LIMD1: variants seen among roughly 807,000 people sequenced by gnomAD.
The protein encoded by LIMD1 is LIM domain containing 1, also known as LIM domain-containing protein 1.
A neutral mutation model predicts 58.4 loss-of-function variants in LIMD1; 23 were observed. The observed-to-expected ratio is 0.39, with a 90% CI of 0.28 to 0.56. The LOEUF (loss-of-function observed/expected upper bound fraction) is 0.56. Among genes scored for constraint, LIMD1 ranks in the 20% least tolerant of loss-of-function variants. The probability of loss-of-function intolerance (pLI) is 0.57; values close to 1 mark genes in which losing one functional copy is unlikely to be tolerated. For synonymous variants in LIMD1, 334 were observed against 345.5 expected (o/e 0.97, Z 0.37); for missense variants, 838 against 855.5 (o/e 0.98, Z 0.25).
At chr3:45,635,962 T>A (rs1701783341) in intron 1 of LIMD1, 188 bp from the exon 2 acceptor site, 1 of 985,262 alleles carries the variant, frequency 1.0e-6, no homozygotes, top group Non-Finnish European at 1.2e-6. Context: ...GCCTGGTAGC[T>A]GTTTTCTGCA....
intron 1 of LIMD1, among the ~76,000 whole-genome samples, chr3:45,627,326 G>T (rs1436300033): frequency 6.6e-6 from 1 of 152,198 alleles, no homozygotes; most frequent in African/African-American, 2.4e-5. Flanking sequence ...AAGTGCAGTA[G>T]GATGGACTGG....
intron 2 of LIMD1, among the ~76,000 whole-genome samples, chr3:45,653,879 C>T (rs1189005981): frequency 1.6e-5 from 2 of 122,918 alleles, no homozygotes; most frequent in Non-Finnish European, 3.2e-5. Context: ...CACTGCACTC[C>T]AGCCTGAGTG....
At chr3:45,669,067 C>G (rs1017527213) in intron 4 of LIMD1, among the ~76,000 whole-genome samples, 6 of 152,194 alleles carry the variant, frequency 3.9e-5, no homozygotes, top group Non-Finnish European at 7.3e-5. Flanking sequence ...CCAGCTCACA[C>G]CATTACGAAG....
intron 1 of LIMD1, among the ~76,000 whole-genome samples, chr3:45,622,496 A>G (rs943922326): frequency 6.6e-6 from 1 of 152,154 alleles, no homozygotes; most frequent in African/African-American, 2.4e-5. Context: ...AAATAGAACA[A>G]TTATAGCACA....
chr3:45,634,258 A>T (rs1396918413), intron 1 of LIMD1, among the ~76,000 whole-genome samples: 1 of 152,200 alleles, frequency 6.6e-6, no homozygotes, highest in East Asian at 1.9e-4. Flanking sequence ...TCCTCCGTGA[A>T]TCTTTTTTCA....
rs147641879 is a variant in LIMD1 at position 45,596,263 on chromosome 3, G to T, written c.1384G>T (p.Ala462Ser). The change falls in exon 1 of 8, where the codon GCT becomes TCT. Residue 462 changes from alanine to serine, a missense_variant. Physicochemically the swap from Ala to Ser is moderately conservative, Grantham distance 99. This residue lies in a region of LIMD1 where 659 missense variants were observed against 639.8 expected (regional missense o/e 1.03). Coordinates refer to ENST00000273317, the MANE Select transcript of LIMD1 (RefSeq NM_014240.3). ...CCAACGTCTGGAGCGAGAGATGGATGCTCACCCGAAGGCTGATTACTTTGG... is the reference window on the plus strand; with the variant it reads ...CCAACGTCTGGAGCGAGAGATGGATTCTCACCCGAAGGCTGATTACTTTGG... ...LTQRLEREMDAHPKADYFGAC... is the reference protein window; with the variant it reads ...LTQRLEREMDSHPKADYFGAC... 124 of 1,607,852 alleles carry T rather than the reference G, an allele frequency of 7.7e-5. No homozygotes were observed. Among genetic ancestry groups the T allele is most frequent in the East Asian group, 4.0e-4 (18 of 44,764 alleles).
rs1697687889 is a variant in LIMD1 at position 45,677,593 on chromosome 3, A to C, written c.*534A>C. ...GCAGAATGGCTGCAAATTTAATTGC[A>C]TTAAGGCAAGAAGGAAGCTCTAATG... On this transcript the variant is annotated 3_prime_UTR_variant, in exon 8 of 8. Coordinates refer to ENST00000273317, the MANE Select transcript of LIMD1 (RefSeq NM_014240.3). The C allele has an allele frequency of 6.5e-6, 1 of 152,918 alleles. No individual in the cohort carries two copies. Among genetic ancestry groups the C allele is most frequent in the Non-Finnish European group, 1.5e-5 (1 of 68,542 alleles). The allele number at this position is 152,918 out of a possible 1,614,324, so 9.5% of individuals were successfully genotyped here. A position where few individuals can be genotyped will look rare whatever the true frequency, so the allele number is the denominator to read the frequency against.
At chr3:45,639,663 AT>A (rs200007141) in intron 2 of LIMD1, among the ~76,000 whole-genome samples, 7 of 151,560 alleles carry the variant, frequency 4.6e-5, no homozygotes, top group Admixed American at 3.9e-4. Flanking sequence ...GGAGGTTAGG[AT>A]TTTTTTTCTT....
chr3:45,613,428 A>G (rs1238163129), intron 1 of LIMD1, among the ~76,000 whole-genome samples: 7 of 152,182 alleles, frequency 4.6e-5, no homozygotes, highest in Non-Finnish European at 1.0e-4. Context: ...TGTCCAGCTT[A>G]TTTCACTCAG....
chr3:45,636,856 A>G (rs1306724376), intron 2 of LIMD1, among the ~76,000 whole-genome samples: 1 of 152,246 alleles, frequency 6.6e-6, no homozygotes, highest in Non-Finnish European at 1.5e-5. Context: ...GTCTGGATTG[A>G]ATGGATGGCA....
At chr3:45,610,485 AGAGTTCCAGGGACT>A (rs1285523879) in intron 1 of LIMD1, among the ~76,000 whole-genome samples, 47 of 152,316 alleles carry the variant, frequency 3.1e-4, no homozygotes, top group African/African-American at 9.9e-4. Context: ...AGAAACTTAT[AGAGTTCCAGGGACT>A]AGCTCACCAA....
chr3:45,614,294 G>A (rs1169201904), intron 1 of LIMD1, among the ~76,000 whole-genome samples: 2 of 151,798 alleles, frequency 1.3e-5, no homozygotes, highest in Non-Finnish European at 1.5e-5. Context: ...TTGGGAGGCC[G>A]AGGCGGGTGG....
At chr3:45,607,490 C>A (rs1701479341) in intron 1 of LIMD1, among the ~76,000 whole-genome samples, 1 of 152,090 alleles carries the variant, frequency 6.6e-6, no homozygotes, top group Non-Finnish European at 1.5e-5. Flanking sequence ...TTACTGAAAG[C>A]TGGTGGGGAG....
chr3:45,639,007 G>T (rs1271452166), intron 2 of LIMD1, among the ~76,000 whole-genome samples: 4 of 152,140 alleles, frequency 2.6e-5, no homozygotes, highest in Admixed American at 1.3e-4. Context: ...AGCTGGGACT[G>T]CGGGCATGTG....
At chr3:45,601,868 C>A (rs1013871251) in intron 1 of LIMD1, among the ~76,000 whole-genome samples, 1 of 152,108 alleles carries the variant, frequency 6.6e-6, no homozygotes, top group African/African-American at 2.4e-5. Flanking sequence ...TCATTCTCCA[C>A]CCACGTACTG....
At chr3:45,600,698 G>A (rs939355870) in intron 1 of LIMD1, among the ~76,000 whole-genome samples, 2 of 152,174 alleles carry the variant, frequency 1.3e-5, no homozygotes, top group African/African-American at 4.8e-5. Context: ...GCCTTTGTTA[G>A]TTGTGCCCCA....
At chr3:45,668,714 C>T (rs1441051836) in intron 4 of LIMD1, among the ~76,000 whole-genome samples, 1 of 150,490 alleles carries the variant, frequency 6.6e-6, no homozygotes, top group East Asian at 1.9e-4. Flanking sequence ...GATCACGCCA[C>T]TGCACTCCAG....
chr3:45,634,580 C>T (rs933216748), intron 1 of LIMD1, among the ~76,000 whole-genome samples: 11 of 152,356 alleles, frequency 7.2e-5, no homozygotes, highest in African/African-American at 2.4e-4. Context: ...TGGGGCCCTG[C>T]ACTAAGTACT....
intron 1 of LIMD1, among the ~76,000 whole-genome samples, chr3:45,622,029 C>T (rs952220798): frequency 6.6e-6 from 1 of 150,716 alleles, no homozygotes; most frequent in Non-Finnish European, 1.5e-5. Flanking sequence ...CACCACTGTA[C>T]TCCAGTCTGG....
Sources: allele counts gnomAD v4.1 joint callset (sites outside exome capture counted in the v4.1 genomes callset), GRCh38; gene constraint gnomAD v4.1.1; regional missense constraint gnomAD v4.1.1; transcripts MANE v1.5; gene names NCBI Gene and HGNC (gene_info 2026-07-23, HGNC 2026-07-21).